The following WDR27 variants were observed in gnomAD, a reference collection of about 807,000 sequenced individuals.
WDR27 encodes the protein WD repeat-containing protein 27.
In WDR27, 100 loss-of-function variants were observed where a neutral mutation model predicts 114.4. That is an observed-to-expected ratio of 0.87 (90% confidence interval 0.74 to 1.03). The LOEUF is 1.03. WDR27 is among the 50% of genes least tolerant of loss of function. The pLI is 0.00. For synonymous variants in WDR27, 449 were observed against 423.1 expected, an observed-to-expected ratio of 1.06 and a Z score of -0.75; for missense variants, 1,129 against 1,092.9, an observed-to-expected ratio of 1.03 and a Z score of -0.47.
intron 25 of WDR27, among the ~76,000 whole-genome samples, chr6:169,496,190 G>GA (rs1195461099): frequency 2.0e-5 from 3 of 151,726 alleles, no homozygotes; most frequent in East Asian, 1.9e-4. Context: ...ATTGGTGCAG[G>GA]AAAAAACACA....
At chr6:169,587,705 G>C (rs1171632657) in intron 23 of WDR27, among the ~76,000 whole-genome samples, 4 of 152,196 alleles carry the variant, frequency 2.6e-5, no homozygotes, top group Non-Finnish European at 4.4e-5. Context: ...AGAATCTACA[G>C]TATGCCTTTC....
intron 25 of WDR27, among the ~76,000 whole-genome samples, chr6:169,502,694 C>G (rs1040737153): frequency 3.3e-5 from 5 of 152,122 alleles, no homozygotes; most frequent in African/African-American, 1.2e-4. Flanking sequence ...TAAGCTCCCT[C>G]GTGATCGCAC....
At chr6:169,568,924 C>T (rs1268427577) in intron 25 of WDR27, among the ~76,000 whole-genome samples, 1 of 152,186 alleles carries the variant, frequency 6.6e-6, no homozygotes, top group African/African-American at 2.4e-5. Context: ...CAGTATCAAT[C>T]GTAGGGCTGT....
At chr6:169,601,819 T>C (rs1584501244) in intron 23 of WDR27, among the ~76,000 whole-genome samples, 1 of 152,236 alleles carries the variant, frequency 6.6e-6, no homozygotes, top group Non-Finnish European at 1.5e-5. Context: ...TCCATTAATA[T>C]AAGCACATTG....
At position 169,639,165 on chromosome 6, in the gene WDR27, C is replaced by T. The variant is rs188947167; in HGVS notation, c.1748-505G>A. On this transcript the variant is annotated intron_variant, in intron 17 of 25. Coordinates refer to ENST00000448612, the MANE Select transcript of WDR27 (RefSeq NM_182552.5). ...TGGGTACTGTGTGGGGCGTGTACTG[C>T]GTGGTGCTGGGTACTGTGTGGAGCG... 5.4e-4 allele frequency among the ~76,000 whole-genome samples: 69 copies of T among 128,110 alleles called. No individual in the cohort carries two copies. In the East Asian group the frequency reaches 0.01, roughly 19 times the overall value. 84.0% of individuals were successfully genotyped at this position (128,110 alleles called of 152,430 possible).
At chr6:169,524,265 T>G (rs2128069475) in intron 25 of WDR27, among the ~76,000 whole-genome samples, 1 of 152,096 alleles carries the variant, frequency 6.6e-6, no homozygotes, top group South Asian at 2.1e-4. Flanking sequence ...TATAAAACAA[T>G]GATGAAAGAA....
intron 2 of WDR27, among the ~76,000 whole-genome samples, chr6:169,688,482 G>C (rs1219926225): frequency 1.3e-5 from 2 of 151,828 alleles, no homozygotes; most frequent in Admixed American, 6.6e-5. Flanking sequence ...TTTTTTCTAA[G>C]TAGTTTATAC....
At chr6:169,594,746 G>T (rs1229284280) in intron 23 of WDR27, among the ~76,000 whole-genome samples, 1 of 152,080 alleles carries the variant, frequency 6.6e-6, no homozygotes, top group East Asian at 1.9e-4. Flanking sequence ...CATTTGCCTG[G>T]TATACATTTC....
chr6:169,461,939 A>G (rs1190910604), intron 25 of WDR27, among the ~76,000 whole-genome samples: 1 of 152,098 alleles, frequency 6.6e-6, no homozygotes, highest in Non-Finnish European at 1.5e-5. Context: ...CTCAAATCAG[A>G]AATGAAAGTT....
chr6:169,494,639 CCT>C (rs1790176149), intron 25 of WDR27, among the ~76,000 whole-genome samples: 1 of 152,238 alleles, frequency 6.6e-6, no homozygotes, highest in African/African-American at 2.4e-5. Context: ...TACAGCATTT[CCT>C]CTCTAAGCAG....
chr6:169,549,912 T>C (rs11970146), intron 25 of WDR27, among the ~76,000 whole-genome samples: 6,356 of 152,216 alleles, frequency 0.042, 362 homozygotes, highest in African/African-American at 0.13. Context: ...GCAGTGGAAC[T>C]ACAGTATGTA....
At chr6:169,561,507 A>G (rs13208844) in intron 25 of WDR27, among the ~76,000 whole-genome samples, 14,598 of 152,256 alleles carry the variant, frequency 0.096, 998 homozygotes, top group Middle Eastern at 0.16. Context: ...ACAATAGAAT[A>G]CCACAGCTAA....
chr6:169,694,207 C>G (rs1480695355), intron 1 of WDR27, among the ~76,000 whole-genome samples: 1 of 152,114 alleles, frequency 6.6e-6, no homozygotes, highest in African/African-American at 2.4e-5. Flanking sequence ...ACTCAGGAGG[C>G]TGAGGCAGGA....
At chr6:169,467,070 C>G (rs1206552930) in intron 25 of WDR27, among the ~76,000 whole-genome samples, 1 of 152,180 alleles carries the variant, frequency 6.6e-6, no homozygotes, top group Non-Finnish European at 1.5e-5. Flanking sequence ...GCAGCCAAAT[C>G]TTAAAGCTCC....
Position 169,575,355 on chromosome 6 carries a change from CCTCT to C in WDR27, c.2524-2819_2524-2816del, listed in dbSNP as rs372723065. ...CTCTCCATCCATCCATCCCTCCCTC[CCTCT>C]CTCTCTCTCCATCCATCCATCCCTC... is the stretch of plus-strand genomic sequence containing the variant. On this transcript the variant is annotated intron_variant, in intron 24 of 25. Coordinates refer to ENST00000448612, the MANE Select transcript of WDR27 (RefSeq NM_182552.5). Among the ~76,000 whole-genome samples, 300 of 124,336 alleles carry C rather than the reference CCTCT, an allele frequency of 2.4e-3. 3 individuals are homozygous for C. The highest frequency in any genetic ancestry group is 7.5e-3 in the African/African-American group (255 of 34,020). The allele number at this position is 124,336 out of a possible 152,430, so 81.6% of individuals were successfully genotyped here.
intron 25 of WDR27, among the ~76,000 whole-genome samples, chr6:169,531,593 G>A (rs550613497): frequency 6.6e-5 from 10 of 151,870 alleles, no homozygotes; most frequent in African/African-American, 2.4e-4. Context: ...GTCTGCAATC[G>A]ACATGAAATC....
intron 24 of WDR27, among the ~76,000 whole-genome samples, chr6:169,576,284 C>T (rs1802322972): frequency 6.6e-6 from 1 of 152,242 alleles, no homozygotes; most frequent in African/African-American, 2.4e-5. Flanking sequence ...TGGTGGCCAG[C>T]CTCCACCTTG....
intron 25 of WDR27, among the ~76,000 whole-genome samples, chr6:169,468,669 T>G (rs1029281790): frequency 6.6e-6 from 1 of 152,220 alleles, no homozygotes; most frequent in African/African-American, 2.4e-5. Context: ...AAATATTAAC[T>G]TGGCGGGGCA....
chr6:169,697,040 C>T (rs967826576), intron 1 of WDR27, among the ~76,000 whole-genome samples: 2 of 152,196 alleles, frequency 1.3e-5, no homozygotes, highest in South Asian at 2.1e-4. Context: ...GGCAAGAGAC[C>T]GAGGACACGA....
Sources: allele counts gnomAD v4.1 joint callset (sites outside exome capture counted in the v4.1 genomes callset), GRCh38; gene constraint gnomAD v4.1.1; transcripts MANE v1.5; gene names NCBI Gene and HGNC (gene_info 2026-07-23, HGNC 2026-07-21).